The following SGSM1 variants were observed in gnomAD, a reference collection of about 807,000 sequenced individuals.
SGSM1 encodes RUN and TBC1 domain containing 2.
A neutral mutation model predicts 133.8 loss-of-function variants in SGSM1; 73 were observed. The observed-to-expected ratio is 0.55, with a 90% confidence interval of 0.45 to 0.66. The LOEUF is 0.66. Among genes scored for constraint, SGSM1 ranks in the 30% least tolerant of loss-of-function variants. The pLI is 0.00. For synonymous variants in SGSM1, 563 were observed against 573.0 expected (o/e 0.98, Z 0.25); for missense variants, 1,213 against 1,448.1 (o/e 0.84, Z 2.64).
intron 14 of SGSM1, 73 bp from the exon 15 acceptor site, chr22:24,883,980 T>G: frequency 6.8e-7 from 1 of 1,460,272 alleles, no homozygotes; most frequent in Non-Finnish European, 9.1e-7. Context: ...GGACAGAACT[T>G]GGGAAGTCCC....
chr22:24,819,587 C>T (rs1452542151), intron 2 of SGSM1, among the ~76,000 whole-genome samples: 1 of 152,216 alleles, frequency 6.6e-6, no homozygotes, highest in Non-Finnish European at 1.5e-5. Context: ...GAGTGCCTCC[C>T]TTGATCTGGC....
chr22:24,813,318 TG>T (rs1366320900), intron 2 of SGSM1, among the ~76,000 whole-genome samples: 1 of 152,128 alleles, frequency 6.6e-6, no homozygotes, highest in Non-Finnish European at 1.5e-5. Context: ...ATAGGAGCCA[TG>T]GGAGTATTCT....
Position 24,924,172 on chromosome 22 carries a change from T to C in SGSM1, c.3194-14T>C, listed in dbSNP as rs1370331154. 5 of 1,613,746 alleles carry C rather than the reference T, an allele frequency of 3.1e-6. No individual in the cohort carries two copies. Among genetic ancestry groups the C allele is most frequent in the Non-Finnish European group, 4.2e-6 (5 of 1,179,754 alleles). On this transcript the variant is annotated splice_polypyrimidine_tract_variant and intron_variant, in intron 24 of 24. Coordinates refer to ENST00000400358, the MANE Select transcript of SGSM1 (RefSeq NM_001098497.3). ...AGAAGGAGGCTCATGAGATTTTTCT[T>C]TCTGCTCTTTCAGAAATGGCTGAGC...
At chr22:24,908,695 G>A (rs554707781) in intron 21 of SGSM1, among the ~76,000 whole-genome samples, 3 of 151,878 alleles carry the variant, frequency 2.0e-5, no homozygotes, top group South Asian at 2.1e-4. Flanking sequence ...CCAGCTACTC[G>A]GGAGGCTGAG....
intron 23 of SGSM1, 116 bp from the exon 24 acceptor site, chr22:24,919,710 C>A (rs1025604612): frequency 8.7e-7 from 1 of 1,152,502 alleles, no homozygotes; most frequent in East Asian, 2.4e-5. Flanking sequence ...CACCAGGGCA[C>A]AGGCATAAGG....
chr22:24,844,914 G>A lies in SGSM1; in HGVS notation c.81G>A (p.Glu27=). 1 of 1,613,788 alleles carries A rather than the reference G, an allele frequency of 6.2e-7. No homozygotes were observed. Among genetic ancestry groups the A allele is most frequent in the Middle Eastern group, 1.7e-4 (1 of 6,018 alleles). Residue 27 remains glutamate (E), a synonymous_variant, in exon 3 of 25, where the codon GAG becomes GAA. Transcript: ENST00000400358. ...TVKKEVKQIM[E]EAVTRKFVHE... Reference sequence around the variant, plus strand: ...CCTTCCAGGTGAAGCAGATCATGGAGGAGGCTGTGACACGCAAGTTTGTCC... The same window carrying A: ...CCTTCCAGGTGAAGCAGATCATGGAAGAGGCTGTGACACGCAAGTTTGTCC...
chr22:24,850,895 A>G lies in SGSM1; in HGVS notation c.455+463A>G, dbSNP rs142090112. On this transcript the variant is annotated intron_variant, in intron 5 of 24. Coordinates refer to ENST00000400358, the MANE Select transcript of SGSM1 (RefSeq NM_001098497.3). ...GGTGGATCACGAGGTCAGGAGATCA[A>G]GACCATCCTGACTAATGCGGTGAAA... Among the ~76,000 whole-genome samples, 544 of 152,260 alleles carry G rather than the reference A, an allele frequency of 3.6e-3. 15 individuals are homozygous for G. In the East Asian group the frequency reaches 0.071, roughly 20 times the overall value.
At chr22:24,835,739 G>A (rs12170917) in intron 2 of SGSM1, among the ~76,000 whole-genome samples, 13,745 of 151,938 alleles carry the variant, frequency 0.09, 668 homozygotes, top group Middle Eastern at 0.11. Context: ...AGGCCTGTGT[G>A]TGTAGAGCAG....
intron 2 of SGSM1, among the ~76,000 whole-genome samples, chr22:24,809,518 C>A (rs1927610484): frequency 6.6e-6 from 1 of 152,240 alleles, no homozygotes; most frequent in South Asian, 2.1e-4. Flanking sequence ...AAGGGGCCAA[C>A]AGAGGCTGGG....
intron 15 of SGSM1, among the ~76,000 whole-genome samples, chr22:24,886,388 G>T (rs9620453): frequency 2.3e-5 from 2 of 85,588 alleles, no homozygotes; most frequent in African/African-American, 8.3e-5. Context: ...GTGACAGAGC[G>T]CTCTGTCTCA....
intron 9 of SGSM1, among the ~76,000 whole-genome samples, chr22:24,860,908 A>AT (rs1399338628): frequency 1.8e-4 from 16 of 91,122 alleles, no homozygotes; most frequent in African/African-American, 8.2e-4. Flanking sequence ...AAAAAAAAAA[A>AT]AAAAAAAAAA....
intron 9 of SGSM1, 111 bp from the exon 10 acceptor site, chr22:24,866,982 C>A: frequency 1.1e-6 from 1 of 948,412 alleles, no homozygotes; most frequent in Non-Finnish European, 1.7e-6. Context: ...ATGCTGGGGA[C>A]CTAATGGGAA....
rs1930233256 is a variant in SGSM1, at chr22:24,847,785, G to A, written c.291G>A (p.Leu97=). The change falls in exon 4 of 25, where the codon CTG becomes CTA. Residue 97 remains leucine (L), a synonymous_variant. Coordinates refer to ENST00000400358, the MANE Select transcript of SGSM1 (RefSeq NM_001098497.3). ...GCAAGGTGCAAGACCTGGAGCAGCT[G>A]ATCGAGAGCGCGTGAGTGCAAAGCA... The part of the protein sequence containing the change: ...LSRKVQDLEQ[L]IESARNQIQG... 1.2e-6 allele frequency: 2 copies of A among 1,613,724 alleles called. No individual in the cohort carries two copies. The highest frequency in any genetic ancestry group is 1.7e-5 in the Admixed American group (1 of 60,000).
rs1422690268 is a variant in SGSM1, at chr22:24,895,306, G to A, written c.2022+15G>A. 2 of 1,606,228 alleles carry A rather than the reference G, an allele frequency of 1.2e-6. No individual in the cohort carries two copies. On this transcript the variant is annotated intron_variant, in intron 18 of 24. Transcript: ENST00000400358. ...GCAGCACACAGGTGACCTTGTGGAG[G>A]CCTCGCCCCCTCCCACCCACTCCTC...
chr22:24,877,887 T>C (rs1178722599), intron 13 of SGSM1, among the ~76,000 whole-genome samples: 1 of 139,224 alleles, frequency 7.2e-6, no homozygotes, highest in Non-Finnish European at 1.5e-5. Context: ...CTTGGCTCAC[T>C]TCAACCTCCG....
chr22:24,842,671 C>A (rs1929874263), intron 2 of SGSM1, among the ~76,000 whole-genome samples: 1 of 152,166 alleles, frequency 6.6e-6, no homozygotes, highest in East Asian at 1.9e-4. Flanking sequence ...GTTTCAAGAG[C>A]AGCTTCTCTA....
At chr22:24,815,520 A>T (rs1261941456) in intron 2 of SGSM1, among the ~76,000 whole-genome samples, 1 of 152,166 alleles carries the variant, frequency 6.6e-6, no homozygotes, top group Non-Finnish European at 1.5e-5. Flanking sequence ...AGGCAGGCGG[A>T]TCACGAGTTC....
intron 2 of SGSM1, among the ~76,000 whole-genome samples, chr22:24,807,913 C>G (rs368721): frequency 0.011 from 1,033 of 96,172 alleles, 13 homozygotes; most frequent in African/African-American, 0.039. Flanking sequence ...GTGTGTGTGT[C>G]TCTGTGTGTG....
chr22:24,878,946 G>A (rs116837591), intron 13 of SGSM1, among the ~76,000 whole-genome samples: 1,772 of 152,292 alleles, frequency 0.012, 17 homozygotes, highest in African/African-American at 0.04. Flanking sequence ...ACAGATGATC[G>A]AAATAGGAAT....
Sources: gnomAD v4.1 joint callset for allele counts (sites outside exome capture counted in the v4.1 genomes callset) on GRCh38, gnomAD v4.1.1 for gene constraint, MANE v1.5 for transcripts, NCBI Gene and HGNC (gene_info 2026-07-23, HGNC 2026-07-21) for gene names.